PCDHGB4: variants seen among roughly 807,000 people sequenced by gnomAD.
PCDHGB4 encodes protocadherin gamma-B4.
A neutral mutation model predicts 60.5 loss-of-function variants in PCDHGB4; 38 were observed. That is an observed-to-expected ratio of 0.63 (90% CI 0.48 to 0.82). PCDHGB4 has a LOEUF of 0.82. Ranked by LOEUF, PCDHGB4 falls within the 40% of genes least tolerant of loss-of-function variation. PCDHGB4 has a pLI of 0.00. For synonymous variants in PCDHGB4, 456 were observed against 509.7 expected, an observed-to-expected ratio of 0.89 and a Z score of 1.42; for missense variants, 1,109 against 1,209.6, an observed-to-expected ratio of 0.92 and a Z score of 1.23.
intron 1 of PCDHGB4, chr5:141,420,334 T>C: frequency 7.1e-7 from 1 of 1,402,910 alleles, no homozygotes; most frequent in Non-Finnish European, 9.5e-7. Flanking sequence ...TATATTCCAA[T>C]ATAGTGGTAT....
intron 1 of PCDHGB4, chr5:141,405,588 G>T: frequency 1.7e-6 from 1 of 584,820 alleles, no homozygotes; most frequent in Non-Finnish European, 3.0e-6. Flanking sequence ...GGGACTACAG[G>T]CCTCCCAAGT....
At chr5:141,402,202 A>G (rs1223519214) in intron 1 of PCDHGB4, among the ~76,000 whole-genome samples, 1 of 152,138 alleles carries the variant, frequency 6.6e-6, no homozygotes. Flanking sequence ...CTTTTATAAT[A>G]CAAAAATTTA....
At chr5:141,504,134 A>G (rs73280371) in intron 2 of PCDHGB4, among the ~76,000 whole-genome samples, 139 of 152,168 alleles carry the variant, frequency 9.1e-4, no homozygotes, top group African/African-American at 3.1e-3. Flanking sequence ...TCCCGCCAAC[A>G]CTCCCCTGCA....
intron 1 of PCDHGB4, among the ~76,000 whole-genome samples, chr5:141,460,983 G>GTA (rs59296681): frequency 9.4e-4 from 130 of 137,840 alleles, no homozygotes; most frequent in Middle Eastern, 3.8e-3. Context: ...GTGTGTGTGT[G>GTA]TATATATATA....
chr5:141,400,333 C>T (rs538201613), intron 1 of PCDHGB4: 2 of 1,614,032 alleles, frequency 1.2e-6, no homozygotes, highest in East Asian at 2.2e-5. Context: ...ACCTGTGGTT[C>T]CCCCCAACTA....
Position 141,393,204 on chromosome 5 carries a change from C to T in PCDHGB4, c.2397+2923C>T, listed in dbSNP as rs373432896. ...AATAATTGATATTAACGATAATAAC[C>T]CAAAATTCCAGGTCGAAGATCTAGA... On this transcript the variant is annotated intron_variant, in intron 1 of 3. Transcript: ENST00000519479. 7 of 1,613,342 alleles carry T rather than the reference C, an allele frequency of 4.3e-6. No homozygotes were observed. The African/African-American group carries it at 9.3e-5, about 22-fold the overall frequency.
At chr5:141,496,178 C>T (rs1481326898) in intron 2 of PCDHGB4, among the ~76,000 whole-genome samples, 2 of 152,080 alleles carry the variant, frequency 1.3e-5, no homozygotes, top group Admixed American at 1.3e-4. Flanking sequence ...CCCATCCAAG[C>T]AGCCCCAGCT....
At chr5:141,510,860 G>A (rs1274817106) in intron 3 of PCDHGB4, 87 bp from the exon 4 acceptor site, 11 of 1,606,558 alleles carry the variant, frequency 6.8e-6, no homozygotes, top group South Asian at 4.4e-5. Context: ...GTGCTGTATA[G>A]GCATTCATTA....
At position 141,389,326 on chromosome 5, in the gene PCDHGB4, C is replaced by T. The variant is rs763831269; in HGVS notation, c.1442C>T (p.Pro481Leu). Residue 481 changes from proline (P) to leucine (L), a missense_variant, in exon 1 of 4, where the codon CCC becomes CTC. Around this residue, in one of 2 missense-constraint regions of PCDHGB4, gnomAD observed 1,068 missense variants for 1,089.9 expected, o/e 0.98. Coordinates refer to ENST00000519479, the MANE Select transcript of PCDHGB4 (RefSeq NM_003736.4). Reference protein sequence around the residue: ...QVRASDPDLGPNGQVSYCIMA... With the variant: ...QVRASDPDLGLNGQVSYCIMA... ...AGGGCTTCTGATCCGGACTTGGGGC[C>T]CAACGGCCAAGTCTCTTACTGCATC... 1 of 1,613,994 alleles carries T rather than the reference C, an allele frequency of 6.2e-7. No homozygotes were observed. Among genetic ancestry groups the T allele is most frequent in the Admixed American group, 1.7e-5 (1 of 60,036 alleles).
At chr5:141,473,682 G>A (rs2099326903) in intron 1 of PCDHGB4, among the ~76,000 whole-genome samples, 1 of 152,186 alleles carries the variant, frequency 6.6e-6, no homozygotes, top group Admixed American at 6.5e-5. Context: ...GGGAAGGGCT[G>A]GGGTTCTGAC....
At position 141,489,078 on chromosome 5, in the gene PCDHGB4, G is replaced by A. The variant is rs990356560; in HGVS notation, c.2398-5729G>A. ...GCTCCCCTCCCCCCTGCCCACCCCC[G>A]CCACTCGGTGACTAAGAACTGCTGC... On this transcript the variant is annotated intron_variant, in intron 1 of 3. Transcript: ENST00000519479. The surrounding 1 kb of genome is among the most constrained non-coding windows in gnomAD (Gnocchi z 4.5). 6.9e-5 allele frequency: 11 copies of A among 160,224 alleles called. 1 individual carries two copies. Among genetic ancestry groups the A allele is most frequent in the Admixed American group, 3.7e-4 (4 of 10,708 alleles). The allele number at this position is 160,224 out of a possible 1,614,324, so 9.9% of individuals were successfully genotyped here.
chr5:141,415,406 T>G, intron 1 of PCDHGB4: 1 of 1,614,208 alleles, frequency 6.2e-7, no homozygotes. Flanking sequence ...GGCTCGCACT[T>G]TGTGGGCGTG....
At chr5:141,496,172 T>C (rs942740022) in intron 2 of PCDHGB4, among the ~76,000 whole-genome samples, 1 of 151,672 alleles carries the variant, frequency 6.6e-6, no homozygotes, top group Non-Finnish European at 1.5e-5. Context: ...CACCCTCCCA[T>C]CCAAGCAGCC....
intron 1 of PCDHGB4, chr5:141,415,455 G>T: frequency 6.2e-7 from 1 of 1,614,186 alleles, no homozygotes; most frequent in Non-Finnish European, 8.5e-7. Context: ...ATTCCCACGA[G>T]GTCTCTCTCA....
intron 1 of PCDHGB4, among the ~76,000 whole-genome samples, chr5:141,459,544 T>G (rs772982634): frequency 6.6e-6 from 1 of 152,246 alleles, no homozygotes; most frequent in Non-Finnish European, 1.5e-5. Flanking sequence ...TTTTTTTTAT[T>G]TCTCTTGGAT....
At position 141,415,593 on chromosome 5, in the gene PCDHGB4, G is replaced by A. The variant is rs201857595; in HGVS notation, c.2397+25312G>A. ...TAGATGATTCGAAGTTTCCTATAGA[G>A]GATACCCCATTGGTTCCAGTGAGTT... On this transcript the variant is annotated intron_variant, in intron 1 of 3. Transcript: ENST00000519479. The A allele has an allele frequency of 7.6e-5, 122 of 1,613,876 alleles. No homozygotes were observed. In the East Asian group the frequency reaches 2.7e-3, roughly 35 times the overall value.
At chr5:141,474,888 G>T (rs1349812637) in intron 1 of PCDHGB4, among the ~76,000 whole-genome samples, 1 of 152,176 alleles carries the variant, frequency 6.6e-6, no homozygotes, top group Non-Finnish European at 1.5e-5. Context: ...ACTCTTAGAG[G>T]TTCATTTCTT....
At position 141,423,255 on chromosome 5, in the gene PCDHGB4, C is replaced by T. The variant is rs368969800; in HGVS notation, c.2397+32974C>T. ...GCATCCCCGAAGTCCTGGCGGACCT[C>T]GGCAGCCTCGAGTCTCTGGCTAACT... On this transcript the variant is annotated intron_variant, in intron 1 of 3. Transcript: ENST00000519479. 2.0e-5 allele frequency: 33 copies of T among 1,613,930 alleles called. No homozygotes were observed. In the East Asian group the frequency reaches 3.8e-4, roughly 19 times the overall value.
chr5:141,432,369 A>G lies in PCDHGB4; in HGVS notation c.2397+42088A>G. 6.2e-7 allele frequency: 1 copy of G among 1,614,222 alleles called. No homozygotes were observed. The highest frequency in any genetic ancestry group is 1.1e-5 in the South Asian group (1 of 91,084). ...CAAGTGAAAGTGATGGCGCGGGACA[A>G]CGGGCACCCGCCCCTCAGCAGCAAC... On this transcript the variant is annotated intron_variant, in intron 1 of 3. Coordinates refer to ENST00000519479, the MANE Select transcript of PCDHGB4 (RefSeq NM_003736.4). The surrounding 1 kb of genome is among the most constrained non-coding windows in gnomAD (Gnocchi z 6.0).
Sources: gnomAD v4.1 joint callset for allele counts (sites outside exome capture counted in the v4.1 genomes callset) on GRCh38, gnomAD v4.1.1 for gene constraint, gnomAD v4.1.1 regional missense constraint, Gnocchi (gnomAD v3.1) non-coding constraint, MANE v1.5 for transcripts, NCBI Gene and HGNC (gene_info 2026-07-23, HGNC 2026-07-21) for gene names.